The following RXRA variants were observed in gnomAD, a reference collection of about 807,000 sequenced individuals.
RXRA encodes retinoid X receptor alpha, also known as retinoic acid receptor RXR-alpha.
Under a neutral mutation model 44.5 loss-of-function variants are expected in RXRA, and 5 were observed. The ratio of observed to expected loss-of-function variants is 0.11; its 90% confidence interval spans 0.06 to 0.24. RXRA has a LOEUF of 0.24. Ranked by LOEUF, RXRA falls within the 10% of genes least tolerant of loss-of-function variation. The pLI is 1.00. For missense variants in RXRA, 412 were observed against 646.5 expected, an observed-to-expected ratio of 0.64 and a Z score of 3.93; for synonymous variants, 291 against 271.4, an observed-to-expected ratio of 1.07 and a Z score of -0.71.
Position 134,426,696 on chromosome 9 carries a change from G to C in RXRA, c.911-2412G>C, listed in dbSNP as rs949435244. ...CTGCTGGGTGGCCTCAGGGGCTCTC[G>C]GGGCAGTGGGAGGGGAGGTGGCCAC... On this transcript the variant is annotated intron_variant, in intron 6 of 9. Coordinates refer to ENST00000481739, the MANE Select transcript of RXRA (RefSeq NM_002957.6). This position sits in a 1 kb window ranked among gnomAD's most constrained non-coding sequence, Gnocchi z 4.6. 1.0e-5 allele frequency: 10 copies of C among 985,304 alleles called. No homozygotes were observed. The highest frequency in any genetic ancestry group is 5.2e-4 in the Middle Eastern group (1 of 1,936). The allele number at this position is 985,304 out of a possible 1,614,324, so 61.0% of individuals were successfully genotyped here. A position where few individuals can be genotyped will look rare whatever the true frequency, so the allele number is the denominator to read the frequency against.
chr9:134,381,197 C>G lies in RXRA; in HGVS notation c.29-20435C>G, dbSNP rs551712851. Reference sequence around the variant, plus strand: ...AGAGGGGGACCCTGGGGAGGGAGATCTTGGAGCTGCAGAGGCTTTGAAGAG... The same window carrying G: ...AGAGGGGGACCCTGGGGAGGGAGATGTTGGAGCTGCAGAGGCTTTGAAGAG... On this transcript the variant is annotated intron_variant, in intron 1 of 9. Coordinates refer to ENST00000481739, the MANE Select transcript of RXRA (RefSeq NM_002957.6). Among the ~76,000 whole-genome samples the G allele has an allele frequency of 2.0e-5, 3 of 152,254 alleles. No individual in the cohort carries two copies. In the East Asian group the frequency reaches 5.8e-4, roughly 29 times the overall value.
chr9:134,373,003 T>C (rs1297111377), intron 1 of RXRA, among the ~76,000 whole-genome samples: 1 of 152,114 alleles, frequency 6.6e-6, no homozygotes, highest in Non-Finnish European at 1.5e-5. Context: ...TCCAGGAACC[T>C]GTGGTCAAGC....
chr9:134,384,100 C>G (rs1830684651), intron 1 of RXRA, among the ~76,000 whole-genome samples: 1 of 151,848 alleles, frequency 6.6e-6, no homozygotes, highest in Admixed American at 6.6e-5. Flanking sequence ...CCTGGACTCT[C>G]CACACTGTCA....
intron 5 of RXRA, among the ~76,000 whole-genome samples, chr9:134,418,858 G>A (rs903533094): frequency 6.6e-6 from 1 of 152,210 alleles, no homozygotes; most frequent in Non-Finnish European, 1.5e-5. Context: ...CACCCTGCTC[G>A]TTGGCACTCA....
chr9:134,363,317 C>T (rs955546422), intron 1 of RXRA, among the ~76,000 whole-genome samples: 4 of 152,264 alleles, frequency 2.6e-5, no homozygotes, highest in Admixed American at 6.5e-5. Context: ...GAGGTGTCCC[C>T]TCACTCAGGG....
intron 1 of RXRA, chr9:134,379,686 A>C (rs919787358): frequency 2.8e-4 from 273 of 985,182 alleles, no homozygotes; most frequent in Admixed American, 8.0e-4. Context: ...GGACAGCCCC[A>C]GTATGCGGAT....
intron 1 of RXRA, among the ~76,000 whole-genome samples, chr9:134,386,347 C>T (rs1056965184): frequency 3.9e-5 from 6 of 152,260 alleles, no homozygotes; most frequent in South Asian, 2.1e-4. Flanking sequence ...CTCTGTCGGG[C>T]GGTGGACTGG....
At chr9:134,431,816 G>A (rs749014036) in intron 7 of RXRA, 89 bp from the exon 8 acceptor site, 54 of 1,016,462 alleles carry the variant, frequency 5.3e-5, no homozygotes, top group Middle Eastern at 6.2e-4. Context: ...GCCACGCCGG[G>A]CTCTCCAGAG....
chr9:134,355,338 A>G (rs1368412046), intron 1 of RXRA, among the ~76,000 whole-genome samples: 6 of 152,206 alleles, frequency 3.9e-5, no homozygotes, highest in Non-Finnish European at 8.8e-5. Context: ...GCAAACAGTA[A>G]AAAGCAGCCT....
At chr9:134,379,361 G>T in intron 1 of RXRA, 2 of 987,502 alleles carry the variant, frequency 2.0e-6, no homozygotes, top group Non-Finnish European at 2.4e-6. Context: ...CAGTGGGAGG[G>T]GAGGCTGGCT....
At chr9:134,424,339 C>A (rs1222565250) in intron 6 of RXRA, 8 of 985,384 alleles carry the variant, frequency 8.1e-6, no homozygotes, top group African/African-American at 1.7e-5. Flanking sequence ...TGCTCCTGCC[C>A]AGCGGCTCTT....
At chr9:134,333,613 C>T (rs782258840) in intron 1 of RXRA, among the ~76,000 whole-genome samples, 12 of 152,172 alleles carry the variant, frequency 7.9e-5, no homozygotes, top group East Asian at 1.9e-4. Context: ...CGGGTGCGGC[C>T]GCCGGCTGTA....
intron 1 of RXRA, among the ~76,000 whole-genome samples, chr9:134,395,495 TG>T (rs1830864274): frequency 6.6e-6 from 1 of 152,172 alleles, no homozygotes; most frequent in African/African-American, 2.4e-5. Context: ...GGCCACTTCC[TG>T]GGGGTTTTGT....
At chr9:134,418,167 G>T (rs1458388320) in intron 5 of RXRA, among the ~76,000 whole-genome samples, 1 of 152,188 alleles carries the variant, frequency 6.6e-6, no homozygotes, top group Non-Finnish European at 1.5e-5. Flanking sequence ...ATTGCTCCCT[G>T]GTGAGCTTGT....
chr9:134,413,200 G>GTGGATGAGAGTGC (rs1831178344), intron 4 of RXRA, among the ~76,000 whole-genome samples: 1 of 152,180 alleles, frequency 6.6e-6, no homozygotes, highest in African/African-American at 2.4e-5. Flanking sequence ...GAGCTTGGGG[G>GTGGATGAGAGTGC]TGGATGAGAG....
chr9:134,408,378 A>T, intron 3 of RXRA, 79 bp downstream of exon 3: 2 of 1,426,864 alleles, frequency 1.4e-6, no homozygotes, highest in Admixed American at 5.0e-5. Context: ...TCCCCAAATC[A>T]CCCTCCTGTG....
intron 1 of RXRA, chr9:134,372,029 C>G (rs1454996685): frequency 6.6e-6 from 1 of 152,194 alleles, no homozygotes; most frequent in Non-Finnish European, 1.5e-5. Flanking sequence ...CACTTCCCTC[C>G]CTGGGGAGGG....
intron 1 of RXRA, among the ~76,000 whole-genome samples, chr9:134,352,714 C>T (rs781840287): frequency 3.9e-5 from 6 of 152,170 alleles, no homozygotes; most frequent in South Asian, 2.1e-4. Flanking sequence ...CTATCTGGGG[C>T]GGGCAGTGTG....
intron 2 of RXRA, 194 bp downstream of exon 2, chr9:134,402,076 G>C (rs751288899): frequency 1.7e-6 from 1 of 582,602 alleles, no homozygotes; most frequent in Non-Finnish European, 3.0e-6. Flanking sequence ...TGACTGCTGA[G>C]CCTGGGCCTT....
Sources: allele counts gnomAD v4.1 joint callset (sites outside exome capture counted in the v4.1 genomes callset), GRCh38; gene constraint gnomAD v4.1.1; non-coding constraint Gnocchi (gnomAD v3.1); transcripts MANE v1.5; gene names NCBI Gene and HGNC (gene_info 2026-07-23, HGNC 2026-07-21).